The following MYO1E variants were observed in gnomAD, a reference collection of about 807,000 sequenced individuals.
The protein encoded by MYO1E is myosin IE.
MYO1E carries 68 observed loss-of-function variants against 151.1 expected under a neutral mutation model. That is an observed-to-expected ratio of 0.45 (90% CI 0.37 to 0.55). MYO1E has a LOEUF of 0.55. Among genes scored for constraint, MYO1E ranks in the 20% least tolerant of loss-of-function variants. MYO1E has a pLI of 0.00. For missense variants in MYO1E, 1,363 were observed against 1,389.3 expected (o/e 0.98, Z 0.30); for synonymous variants, 601 against 501.7 (o/e 1.20, Z -2.64).
intron 19 of MYO1E, 28 bp downstream of exon 19, chr15:59,178,363 AAG>A (rs2079637984): frequency 1.2e-6 from 2 of 1,613,114 alleles, no homozygotes; most frequent in South Asian, 1.1e-5. Context: ...CGCGGGAGGG[AAG>A]AGAGTGGAGA....
chr15:59,224,814 C>A lies in MYO1E; in HGVS notation c.652G>T (p.Gly218Cys), dbSNP rs1170056721. Residue 218 changes from glycine to cysteine, a missense_variant, in exon 8 of 28, where the codon GGC becomes TGC. Transcript: ENST00000288235. The part of the protein sequence containing the change: ...SFHIFYQLIE[G>C]ASAEQKHSLG... ...CTGTGTTTCTGCTCTGCAGAGGCGCCCTCGATGAGCTGGAGCAAGAGAACA... is the reference window on the plus strand; with the variant it reads ...CTGTGTTTCTGCTCTGCAGAGGCGCACTCGATGAGCTGGAGCAAGAGAACA... The A allele has an allele frequency of 6.2e-7, 1 of 1,614,160 alleles. No homozygotes were observed. Among genetic ancestry groups the A allele is most frequent in the Non-Finnish European group, 8.5e-7 (1 of 1,180,030 alleles).
intron 23 of MYO1E, among the ~76,000 whole-genome samples, chr15:59,161,727 T>A (rs2079539255): frequency 2.0e-5 from 3 of 152,124 alleles, no homozygotes; most frequent in African/African-American, 7.2e-5. Context: ...CACCCAGGGA[T>A]GGAAAAAGAC....
chr15:59,217,989 C>CGGATTT lies in MYO1E; in HGVS notation c.1003_1008dup (p.Lys335_Ser336dup). The CGGATTT allele has an allele frequency of 6.2e-7, 1 of 1,614,196 alleles. No individual in the cohort carries two copies. The highest frequency in any genetic ancestry group is 8.5e-7 in the Non-Finnish European group (1 of 1,180,042). On this transcript the variant is annotated inframe_insertion, in exon 10 of 28. Coordinates refer to ENST00000288235, the MANE Select transcript of MYO1E (RefSeq NM_004998.4). ...ACGTTGAGGGTCACGTGGATGGATTCGGATTTGCCTCCCCACTTGCTATCC... is the reference window on the plus strand; with the variant it reads ...ACGTTGAGGGTCACGTGGATGGATTCGGATTTGGATTTGCCTCCCCACTTGCTATCC...
At chr15:59,240,924 T>C (rs1596380965) in intron 4 of MYO1E, among the ~76,000 whole-genome samples, 1 of 152,240 alleles carries the variant, frequency 6.6e-6, no homozygotes, top group South Asian at 2.1e-4. Context: ...ATGTGGCTCC[T>C]GTCAGAGAAG....
chr15:59,194,416 T>C (rs1367643018), intron 17 of MYO1E, among the ~76,000 whole-genome samples: 2 of 152,184 alleles, frequency 1.3e-5, no homozygotes, highest in East Asian at 3.9e-4. Context: ...TCAGGCATCA[T>C]CTATCTGCCA....
rs1489304342 is a variant in MYO1E at position 59,138,253 on chromosome 15, C to G, written c.3195G>C (p.Gln1065His). 5 of 1,614,238 alleles carry G rather than the reference C, an allele frequency of 3.1e-6. No individual in the cohort carries two copies. Among genetic ancestry groups the G allele is most frequent in the Non-Finnish European group, 3.4e-6 (4 of 1,180,038 alleles). Reference sequence around the variant, plus strand: ...CATTAAAGCTGAGTTCGTCTGTGTCCTGAGCGTCATAGGCATACAAAGCCT... The same window carrying G: ...CATTAAAGCTGAGTTCGTCTGTGTCGTGAGCGTCATAGGCATACAAAGCCT... ...QCKALYAYDA[Q>H]DTDELSFNAN... The change falls in exon 27 of 28, where the codon CAG (glutamine) becomes CAC (histidine). Residue 1065 changes from glutamine to histidine, a missense_variant. Transcript: ENST00000288235.
At chr15:59,163,345 T>G in intron 22 of MYO1E, 42 bp from the exon 23 acceptor site, 1 of 1,593,976 alleles carries the variant, frequency 6.3e-7, no homozygotes, top group Non-Finnish European at 8.6e-7. Flanking sequence ...AAAGCTGTGC[T>G]TCTGTTTACT....
intron 18 of MYO1E, among the ~76,000 whole-genome samples, chr15:59,185,748 T>A (rs1487317058): frequency 6.6e-6 from 1 of 152,196 alleles, no homozygotes; most frequent in African/African-American, 2.4e-5. Context: ...AATGATTATC[T>A]AAGCCAAAGT....
At chr15:59,170,363 C>G (rs1210493617) in intron 22 of MYO1E, among the ~76,000 whole-genome samples, 1 of 152,208 alleles carries the variant, frequency 6.6e-6, no homozygotes, top group Non-Finnish European at 1.5e-5. Context: ...ACCTGCTGTG[C>G]CTGCCAAGCA....
intron 14 of MYO1E, 90 bp downstream of exon 14, chr15:59,208,591 C>A: frequency 6.8e-7 from 1 of 1,466,954 alleles, no homozygotes. Context: ...CAATAAAATA[C>A]GGCGAGCCAT....
chr15:59,188,156 G>A lies in MYO1E; in HGVS notation c.1866C>T (p.Gly622=), dbSNP rs772132227. 1.9e-6 allele frequency: 3 copies of A among 1,613,984 alleles called. No homozygotes were observed. Among genetic ancestry groups the A allele is most frequent in the Non-Finnish European group, 2.5e-6 (3 of 1,180,006 alleles). ...LKENIRVRRA[G]YAYRRIFQKF... is the part of the protein sequence containing the mutation. The stretch of plus-strand genomic sequence containing the variant: ...TTTGGAAGATGCGCCGATAGGCATA[G>A]CCAGCTCTTCTCACTCGAATGTTCT... Residue 622 remains glycine (G), a synonymous_variant, in exon 18 of 28, where the codon GGC becomes GGT. Coordinates refer to ENST00000288235, the MANE Select transcript of MYO1E (RefSeq NM_004998.4).
chr15:59,139,368 C>G (rs138525770), intron 26 of MYO1E, among the ~76,000 whole-genome samples: 1 of 145,094 alleles, frequency 6.9e-6, no homozygotes, highest in South Asian at 2.3e-4. Context: ...TACCTCCCAC[C>G]GCTCATTGTT....
intron 18 of MYO1E, among the ~76,000 whole-genome samples, chr15:59,185,040 T>C (rs1281664673): frequency 5.9e-5 from 9 of 152,234 alleles, no homozygotes; most frequent in African/African-American, 1.9e-4. Flanking sequence ...TGATCAATGA[T>C]ATTGAACACG....
chr15:59,370,321 A>G (rs2080937544), intron 1 of MYO1E, among the ~76,000 whole-genome samples: 1 of 152,270 alleles, frequency 6.6e-6, no homozygotes, highest in Non-Finnish European at 1.5e-5. Flanking sequence ...TGATTATTTA[A>G]GATGATGCTC....
intron 1 of MYO1E, among the ~76,000 whole-genome samples, chr15:59,356,585 T>C (rs1218524062): frequency 3.3e-5 from 5 of 152,170 alleles, no homozygotes; most frequent in Non-Finnish European, 5.9e-5. Flanking sequence ...ATTTTTCCCA[T>C]TAAGTTTTTT....
chr15:59,240,241 C>T (rs2080091610), intron 4 of MYO1E, among the ~76,000 whole-genome samples: 1 of 152,198 alleles, frequency 6.6e-6, no homozygotes, highest in African/African-American at 2.4e-5. Context: ...GGGACAGAGT[C>T]TAGGAATAGG....
At chr15:59,182,676 A>G (rs2079670817) in intron 18 of MYO1E, among the ~76,000 whole-genome samples, 1 of 152,216 alleles carries the variant, frequency 6.6e-6, no homozygotes, top group African/African-American at 2.4e-5. Flanking sequence ...CCTCAACATA[A>G]AAGGAATAAC....
chr15:59,272,509 C>A, intron 1 of MYO1E, 60 bp from the exon 2 acceptor site: 1 of 1,552,142 alleles, frequency 6.4e-7, no homozygotes, highest in Non-Finnish European at 8.9e-7. Context: ...GTAACAAAGA[C>A]AAAATGCTGT....
intron 1 of MYO1E, chr15:59,359,846 G>T (rs539512881): frequency 6.6e-6 from 1 of 152,106 alleles, no homozygotes; most frequent in African/African-American, 2.4e-5. Context: ...TGCCTACAGC[G>T]TTCTATAAAA....
Sources: gnomAD v4.1 joint callset for allele counts (sites outside exome capture counted in the v4.1 genomes callset) on GRCh38, gnomAD v4.1.1 for gene constraint, MANE v1.5 for transcripts, NCBI Gene and HGNC (gene_info 2026-07-23, HGNC 2026-07-21) for gene names.